The following CFAP47 variants were observed in gnomAD, a reference collection of about 807,000 sequenced individuals.
The protein encoded by CFAP47 is cilia and flagella associated protein 47.
A neutral mutation model predicts 148.1 loss-of-function variants in CFAP47; 29 were observed. The ratio of observed to expected loss-of-function variants is 0.20; its 90% CI spans 0.15 to 0.27. The LOEUF (loss-of-function observed/expected upper bound fraction) is 0.27, where lower values mean the gene tolerates loss of function less well. Among genes scored for constraint, CFAP47 ranks in the 10% least tolerant of loss-of-function variants. The probability of loss-of-function intolerance (pLI) is 1.00; values close to 1 mark genes in which losing one functional copy is unlikely to be tolerated. For missense variants in CFAP47, 1,872 were observed against 1,697.5 expected (o/e 1.10, Z -1.81); for synonymous variants, 664 against 577.3 (o/e 1.15, Z -2.15).
chrX:36,348,376 A>G, intron 58 of CFAP47, 88 bp downstream of exon 58: 1 of 435,393 alleles, frequency 2.3e-6, no homozygotes, highest in Non-Finnish European at 3.5e-6. Context: ...TTATACATAT[A>G]TAATGTCAAG....
chrX:35,974,974 G>A (rs183401227), intron 13 of CFAP47, among the ~76,000 whole-genome samples, 173 bp from the exon 14 acceptor site: 1 of 110,561 alleles, frequency 9.0e-6, no homozygotes, highest in African/African-American at 3.3e-5. Context: ...ATTTAATCAT[G>A]GTCATCTAGA....
intron 45 of CFAP47, among the ~76,000 whole-genome samples, chrX:36,223,306 T>C (rs1189219193): frequency 3.6e-5 from 4 of 111,005 alleles, no homozygotes; most frequent in Non-Finnish European, 7.6e-5. Flanking sequence ...TTTTGACTTA[T>C]ACAATAGAAA....
chrX:36,193,391 G>C (rs1311868907), intron 42 of CFAP47, among the ~76,000 whole-genome samples: 5 of 111,665 alleles, frequency 4.5e-5, no homozygotes, highest in Non-Finnish European at 7.5e-5. Context: ...TATAGCTTGA[G>C]GAACTGAGTA....
intron 61 of CFAP47, 136 bp downstream of exon 61, chrX:36,361,637 GATTACATCT>G: frequency 3.4e-6 from 1 of 298,427 alleles, no homozygotes; most frequent in Non-Finnish European, 5.9e-6. Context: ...TTTTGGGCTA[GATTACATCT>G]AGCTACAAAA....
intron 62 of CFAP47, among the ~76,000 whole-genome samples, chrX:36,371,878 ATATG>A (rs1326076285): frequency 1.2e-5 from 1 of 84,110 alleles, no homozygotes; most frequent in Non-Finnish European, 2.3e-5. Flanking sequence ...ACATGTGTAT[ATATG>A]TGTGCATATA....
intron 37 of CFAP47, among the ~76,000 whole-genome samples, chrX:36,156,634 A>T (rs1035074653): frequency 3.8e-4 from 41 of 109,023 alleles, no homozygotes; most frequent in Admixed American, 5.0e-4. Flanking sequence ...GGTTTTTTTT[A>T]AAAAAAAATC....
Position 36,361,481 on chromosome X carries a change from C to A in CFAP47, c.9003C>A (p.Phe3001Leu). 1 of 1,047,009 alleles carries A rather than the reference C, an allele frequency of 9.6e-7. No individual in the cohort carries two copies. Among genetic ancestry groups the A allele is most frequent in the Non-Finnish European group, 1.3e-6 (1 of 783,260 alleles). The allele number at this position is 1,047,009 out of a possible 1,213,427, so 86.3% of individuals were successfully genotyped here. A position where few individuals can be genotyped will look rare whatever the true frequency, so the allele number is the denominator to read the frequency against. Residue 3001 changes from phenylalanine (F) to leucine (L), a missense_variant, in exon 61 of 64, where the codon TTC becomes TTA. Transcript: ENST00000378653. ...KRITFIFNLVFTPKKPLRSHI... is the reference protein window; with the variant it reads ...KRITFIFNLVLTPKKPLRSHI... ...TAACATTTATCTTCAATCTGGTATTCACACCAAAGAAACCATTAAGGTAAA... is the reference window on the plus strand; with the variant it reads ...TAACATTTATCTTCAATCTGGTATTAACACCAAAGAAACCATTAAGGTAAA...
chrX:36,003,770 C>T (rs952786846), intron 21 of CFAP47, among the ~76,000 whole-genome samples: 5 of 108,011 alleles, frequency 4.6e-5, no homozygotes, highest in African/African-American at 1.4e-4. Context: ...TAAGTCCTGG[C>T]CAGAGCAATC....
At chrX:36,161,423 GA>G (rs949303382) in intron 39 of CFAP47, among the ~76,000 whole-genome samples, 11 of 110,885 alleles carry the variant, frequency 9.9e-5, no homozygotes, top group African/African-American at 3.6e-4. Flanking sequence ...AATTTAAGCA[GA>G]AAAAAACATT....
chrX:36,073,480 T>C, intron 29 of CFAP47, 116 bp downstream of exon 29: 1 of 492,644 alleles, frequency 2.0e-6, no homozygotes, highest in Middle Eastern at 3.9e-4. Flanking sequence ...TCTAAACTGA[T>C]ATATTATGAA....
chrX:35,951,887 A>T lies in CFAP47; in HGVS notation c.970A>T (p.Ile324Phe). ...AATAAAGAACATAGATACTACTATC[A>T]TTATCTCCTGTCTTCCTAATGAAGG... is the stretch of plus-strand genomic sequence containing the variant. Reference protein sequence around the residue: ...RKIKNIDTTIIISCLPNEGTL... With the variant: ...RKIKNIDTTIFISCLPNEGTL... The change falls in exon 6 of 64, where the codon ATT becomes TTT. Residue 324 changes from isoleucine (I) to phenylalanine (F), a missense_variant. Coordinates refer to ENST00000378653, the MANE Select transcript of CFAP47 (RefSeq NM_001304548.2). The T allele has an allele frequency of 8.5e-7, 1 of 1,177,708 alleles. No individual in the cohort carries two copies. The highest frequency in any genetic ancestry group is 1.1e-6 in the Non-Finnish European group (1 of 885,725).
At position 36,274,856 on chromosome X, in the gene CFAP47, C is replaced by A. The variant is rs782462312; in HGVS notation, c.7445-5631C>A. 2.5e-3 allele frequency among the ~76,000 whole-genome samples: 276 copies of A among 111,231 alleles called. 1 individual carries two copies. The highest frequency in any genetic ancestry group is 0.014 in the Middle Eastern group (3 of 214). The stretch of plus-strand genomic sequence containing the variant: ...TTCATAACTCCTTTGCCTAGAACAC[C>A]CAGTACTATATTGGATAGAAGTGGA... On this transcript the variant is annotated intron_variant, in intron 49 of 63. Transcript: ENST00000378653.
In CFAP47 at chrX:36,353,699, A is replaced by G. The variant is rs1556017923; in HGVS notation, c.8851+18A>G. 1.8e-6 allele frequency: 2 copies of G among 1,096,717 alleles called. No individual in the cohort carries two copies. Among genetic ancestry groups the G allele is most frequent in the South Asian group, 4.3e-5 (2 of 46,866 alleles). 90.4% of individuals were successfully genotyped at this position (1,096,717 alleles called of 1,213,427 possible). A position where few individuals can be genotyped will look rare whatever the true frequency, so the allele number is the denominator to read the frequency against. ...TCCCAATGGTAAGAGAACTACGGTT[A>G]TAGAAAAAATAAAATGAAAAAAGAA... On this transcript the variant is annotated intron_variant, in intron 60 of 63. Coordinates refer to ENST00000378653, the MANE Select transcript of CFAP47 (RefSeq NM_001304548.2).
Position 36,349,565 on chromosome X carries a change from T to C in CFAP47, c.8604-473T>C, listed in dbSNP as rs782257682. ...GGCATGAGCCACCATATCTGGCCTA[T>C]AAACATTTTCTAATATTGCTGTGCT... On this transcript the variant is annotated intron_variant, in intron 58 of 63. Transcript: ENST00000378653. 5.4e-5 allele frequency among the ~76,000 whole-genome samples: 6 copies of C among 112,144 alleles called. No homozygotes were observed. The East Asian group carries it at 1.4e-3, about 26-fold the overall frequency.
intron 7 of CFAP47, among the ~76,000 whole-genome samples, 164 bp from the exon 8 acceptor site, chrX:35,955,797 G>A (rs1180617407): frequency 5.3e-5 from 6 of 112,649 alleles, no homozygotes; most frequent in South Asian, 7.3e-4. Flanking sequence ...TGCTGTATCC[G>A]CAAGGCGTGA....
chrX:35,946,147 G>T (rs751671724), intron 3 of CFAP47, among the ~76,000 whole-genome samples: 2 of 110,497 alleles, frequency 1.8e-5, no homozygotes, highest in Non-Finnish European at 3.8e-5. Flanking sequence ...TGCTGGGATC[G>T]CAAGCATGAG....
intron 30 of CFAP47, among the ~76,000 whole-genome samples, chrX:36,098,549 G>A (rs1290700094): frequency 9.0e-6 from 1 of 111,321 alleles, no homozygotes; most frequent in Non-Finnish European, 1.9e-5. Flanking sequence ...ATTGTACTGT[G>A]GCTGAGCTGG....
At chrX:36,032,567 G>A (rs981587390) in intron 23 of CFAP47, among the ~76,000 whole-genome samples, 27 of 110,887 alleles carry the variant, frequency 2.4e-4, no homozygotes, top group Non-Finnish European at 4.5e-4. Flanking sequence ...TTGACTAATG[G>A]AAGAATTTTA....
chrX:36,033,500 T>G (rs1040924719), intron 23 of CFAP47, among the ~76,000 whole-genome samples: 1 of 111,844 alleles, frequency 8.9e-6, no homozygotes, highest in African/African-American at 3.2e-5. Flanking sequence ...TAATAACTTT[T>G]CCTCATTTTA....
Sources: gnomAD v4.1 joint callset for allele counts (sites outside exome capture counted in the v4.1 genomes callset) on GRCh38, gnomAD v4.1.1 for gene constraint, MANE v1.5 for transcripts, NCBI Gene and HGNC (gene_info 2026-07-23, HGNC 2026-07-21) for gene names.